The following COMMD1 variants were observed in gnomAD, a reference collection of about 807,000 sequenced individuals.
COMMD1 encodes copper metabolism domain containing 1, also known as COMM domain-containing protein 1.
A neutral mutation model predicts 17.2 loss-of-function variants in COMMD1; 10 were observed. That is an observed-to-expected ratio of 0.58 (90% CI 0.36 to 0.99). The LOEUF (loss-of-function observed/expected upper bound fraction) is 0.99. COMMD1 is among the 50% of genes least tolerant of loss of function. COMMD1 has a pLI of 0.01. For synonymous variants in COMMD1, 97 were observed against 91.6 expected, an observed-to-expected ratio of 1.06 and a Z score of -0.34; for missense variants, 270 against 231.8, an observed-to-expected ratio of 1.17 and a Z score of -1.07.
At chr2:62,070,562 A>AAAAAC (rs1301768233) in intron 2 of COMMD1, among the ~76,000 whole-genome samples, 2 of 151,418 alleles carry the variant, frequency 1.3e-5, no homozygotes, top group African/African-American at 4.9e-5. Context: ...AAAAAAAAAA[A>AAAAAC]AACAACTAAA....
intron 2 of COMMD1, among the ~76,000 whole-genome samples, chr2:62,012,618 C>T (rs183109679): frequency 3.4e-4 from 52 of 152,096 alleles, no homozygotes; most frequent in African/African-American, 1.2e-3. Flanking sequence ...GCACCCGGCC[C>T]CTTTGGCAGT....
At chr2:62,011,152 G>A (rs1011747316) in intron 2 of COMMD1, among the ~76,000 whole-genome samples, 1 of 151,838 alleles carries the variant, frequency 6.6e-6, no homozygotes, top group African/African-American at 2.4e-5. Flanking sequence ...TTCTCATTAG[G>A]CCTTCACCAG....
chr2:62,130,991 G>C (rs1189893046), intron 2 of COMMD1, among the ~76,000 whole-genome samples: 1 of 152,234 alleles, frequency 6.6e-6, no homozygotes, highest in Admixed American at 6.5e-5. Flanking sequence ...GGAGTGTTGA[G>C]TGGTTACCAG....
chr2:62,066,445 T>G (rs1159949618), intron 2 of COMMD1, among the ~76,000 whole-genome samples: 1 of 151,720 alleles, frequency 6.6e-6, no homozygotes, highest in African/African-American at 2.4e-5. Context: ...TCTTTTTTTT[T>G]TTTTTTTTGA....
Position 61,952,337 on chromosome 2 carries a change from C to T in COMMD1, c.180+46479C>T, listed in dbSNP as rs151288396. ...AAATATAGGCATAGTTTTTATAATC[C>T]TTTCCTGCTCAGGAGTCCTGTGGCC... On this transcript the variant is annotated intron_variant, in intron 1 of 2. Transcript: ENST00000311832. 6.9e-3 allele frequency among the ~76,000 whole-genome samples: 1,044 copies of T among 152,212 alleles called. 15 individuals carry two copies. Among genetic ancestry groups the T allele is most frequent in the African/African-American group, 0.024 (978 of 41,510 alleles).
At chr2:62,105,282 C>T (rs1376115042) in intron 2 of COMMD1, among the ~76,000 whole-genome samples, 1 of 151,998 alleles carries the variant, frequency 6.6e-6, no homozygotes, top group Admixed American at 6.6e-5. Flanking sequence ...CTATTGAAAT[C>T]CTTGCTTGTC....
intron 1 of COMMD1, among the ~76,000 whole-genome samples, chr2:61,964,747 C>A (rs1012274182): frequency 2.6e-5 from 4 of 152,304 alleles, no homozygotes; most frequent in African/African-American, 9.6e-5. Flanking sequence ...GTGGCTCAGG[C>A]CTGTAATCCC....
chr2:62,066,636 C>CAA (rs1671051075), intron 2 of COMMD1, among the ~76,000 whole-genome samples: 1 of 151,548 alleles, frequency 6.6e-6, no homozygotes. Context: ...CTCCTGACCT[C>CAA]GTGATCTGCC....
intron 2 of COMMD1, among the ~76,000 whole-genome samples, chr2:62,026,449 A>C (rs1252930240): frequency 6.6e-6 from 1 of 152,158 alleles, no homozygotes; most frequent in African/African-American, 2.4e-5. Context: ...TGAGGACTGC[A>C]CCAAGCCATA....
chr2:62,127,284 GA>G (rs1672910122), intron 2 of COMMD1, among the ~76,000 whole-genome samples: 1 of 152,134 alleles, frequency 6.6e-6, no homozygotes, highest in Non-Finnish European at 1.5e-5. Context: ...TCAATATTGC[GA>G]AAATGGCCAT....
intron 2 of COMMD1, among the ~76,000 whole-genome samples, chr2:62,042,503 G>A (rs564590331): frequency 1.3e-5 from 2 of 152,320 alleles, no homozygotes; most frequent in East Asian, 3.9e-4. Flanking sequence ...ATCAAGCCCA[G>A]CAGGTGCTGG....
chr2:62,076,679 G>A (rs1308294586), intron 2 of COMMD1, among the ~76,000 whole-genome samples: 5 of 151,134 alleles, frequency 3.3e-5, no homozygotes, highest in Non-Finnish European at 7.4e-5. Flanking sequence ...CCCCGGAGGC[G>A]GAGGTTGCAG....
chr2:61,968,901 A>G, intron 1 of COMMD1: 1 of 239,938 alleles, frequency 4.2e-6, no homozygotes. Context: ...TTGAGATTTG[A>G]TTCTCAGTAA....
chr2:61,920,803 A>G (rs1014476646), intron 1 of COMMD1, among the ~76,000 whole-genome samples: 7 of 151,602 alleles, frequency 4.6e-5, no homozygotes, highest in African/African-American at 1.7e-4. Context: ...ATCTGTTTTG[A>G]TTTTCCAGTG....
intron 2 of COMMD1, among the ~76,000 whole-genome samples, chr2:62,046,035 C>G (rs1309008966): frequency 6.6e-6 from 1 of 152,152 alleles, no homozygotes; most frequent in African/African-American, 2.4e-5. Flanking sequence ...CTGCTCCTGG[C>G]CTCAGGTTAA....
Position 61,939,224 on chromosome 2 carries a change from C to T in COMMD1, c.180+33366C>T, listed in dbSNP as rs565537829. ...ATCCCAGCGCTTTGGGAGGCTGAGG[C>T]GGGTGGGTCACAAGGTCAGGAGATC... is the stretch of plus-strand genomic sequence containing the variant. On this transcript the variant is annotated intron_variant, in intron 1 of 2. Transcript: ENST00000311832. Among the ~76,000 whole-genome samples, 20 of 148,784 alleles carry T rather than the reference C, an allele frequency of 1.3e-4. 1 individual carries two copies. In the South Asian group the frequency reaches 2.1e-3, roughly 16 times the overall value.
intron 2 of COMMD1, among the ~76,000 whole-genome samples, chr2:62,065,189 A>G (rs1274518285): frequency 6.6e-6 from 1 of 152,108 alleles, no homozygotes; most frequent in Non-Finnish European, 1.5e-5. Flanking sequence ...AAAAATATGT[A>G]TATGATATAT....
intron 1 of COMMD1, among the ~76,000 whole-genome samples, chr2:61,975,433 A>G (rs1671775986): frequency 6.6e-6 from 1 of 152,128 alleles, no homozygotes; most frequent in Non-Finnish European, 1.5e-5. Context: ...TTAGTTTCTT[A>G]AGAAACTGCC....
intron 2 of COMMD1, among the ~76,000 whole-genome samples, chr2:62,061,087 A>G (rs59243713): frequency 0.076 from 11,610 of 152,000 alleles, 1,021 homozygotes; most frequent in African/African-American, 0.22. Context: ...CTCTTTTGAG[A>G]TTTCCTATCT....
Sources: gnomAD v4.1 joint callset for allele counts (sites outside exome capture counted in the v4.1 genomes callset) on GRCh38, gnomAD v4.1.1 for gene constraint, MANE v1.5 for transcripts, NCBI Gene and HGNC (gene_info 2026-07-23, HGNC 2026-07-21) for gene names.